Variants in MEF2A observed in about 807,000 individuals in gnomAD.
MEF2A encodes myocyte enhancer factor 2A.
In MEF2A, 28 loss-of-function variants were observed where a neutral mutation model predicts 55.8. The observed-to-expected ratio is 0.50, with a 90% CI of 0.37 to 0.69. The LOEUF (loss-of-function observed/expected upper bound fraction) is 0.69. MEF2A is among the 30% of genes least tolerant of loss of function. The pLI is 0.00. For missense variants in MEF2A, 528 were observed against 626.2 expected (o/e 0.84, Z 1.67); for synonymous variants, 239 against 227.1 (o/e 1.05, Z -0.47).
intron 8 of MEF2A, among the ~76,000 whole-genome samples, chr15:99,694,838 A>G (rs904521356): frequency 1.3e-5 from 2 of 152,140 alleles, no homozygotes; most frequent in Non-Finnish European, 2.9e-5. Context: ...ATTTATTTCT[A>G]TCAATATGGA....
chr15:99,691,365 CT>C (rs1244576082), intron 8 of MEF2A, among the ~76,000 whole-genome samples: 1 of 152,042 alleles, frequency 6.6e-6, no homozygotes, highest in Non-Finnish European at 1.5e-5. Flanking sequence ...ATTAAACATG[CT>C]TTTCTGTGAG....
intron 7 of MEF2A, among the ~76,000 whole-genome samples, chr15:99,680,366 T>C (rs750710470): frequency 2.0e-5 from 3 of 152,014 alleles, no homozygotes; most frequent in Non-Finnish European, 4.4e-5. Flanking sequence ...ATACTACTCT[T>C]ACTTACTAAT....
At chr15:99,682,194 T>C (rs2053375477) in intron 7 of MEF2A, among the ~76,000 whole-genome samples, 1 of 152,192 alleles carries the variant, frequency 6.6e-6, no homozygotes, top group African/African-American at 2.4e-5. Context: ...TTTCAGCTGA[T>C]GTGATTTATA....
At chr15:99,566,390 G>A (rs980446763) in intron 1 of MEF2A, 4 of 146,478 alleles carry the variant, frequency 2.7e-5, no homozygotes, top group Non-Finnish European at 4.6e-5. Context: ...TCGGCGCTGA[G>A]GAGCTAGGCG....
intron 7 of MEF2A, among the ~76,000 whole-genome samples, chr15:99,681,384 C>G (rs1208035414): frequency 6.6e-6 from 1 of 152,130 alleles, no homozygotes; most frequent in African/African-American, 2.4e-5. Flanking sequence ...TTAGAACAAG[C>G]TGAGTTGAGA....
intron 5 of MEF2A, among the ~76,000 whole-genome samples, chr15:99,672,086 A>G (rs1337159700): frequency 6.6e-6 from 1 of 152,246 alleles, no homozygotes; most frequent in African/African-American, 2.4e-5. Context: ...TTGAGAAAGC[A>G]AAATGTAAGG....
At chr15:99,666,584 A>AAT (rs2049791294) in intron 4 of MEF2A, among the ~76,000 whole-genome samples, 1 of 145,350 alleles carries the variant, frequency 6.9e-6, no homozygotes, top group Admixed American at 6.9e-5. Flanking sequence ...AAAGTATAAT[A>AAT]ATAATAATAA....
At chr15:99,566,718 C>T (rs1381776594) in intron 1 of MEF2A, 1 of 152,358 alleles carries the variant, frequency 6.6e-6, no homozygotes, top group Non-Finnish European at 1.5e-5. Context: ...AGTTCCCCCA[C>T]TTCTGCTTTG....
At chr15:99,648,247 G>T (rs1355663260) in intron 4 of MEF2A, among the ~76,000 whole-genome samples, 2 of 152,034 alleles carry the variant, frequency 1.3e-5, no homozygotes, top group South Asian at 2.1e-4. Context: ...GCTTTTTGAT[G>T]CCCATTTACT....
intron 7 of MEF2A, among the ~76,000 whole-genome samples, chr15:99,688,305 G>T (rs1053081053): frequency 6.6e-6 from 1 of 152,200 alleles, no homozygotes; most frequent in Non-Finnish European, 1.5e-5. Flanking sequence ...GGCTTAAATT[G>T]TATAGGGGAT....
rs537376646 is a variant in MEF2A at position 99,627,183 on chromosome 15, C to T, written c.-142-5795C>T. On this transcript the variant is annotated intron_variant, in intron 2 of 11. Transcript: ENST00000557942. ...TGGATAAGGAAGATAGTAAGGAACA[C>T]GAAGTGGGTTAGGGCCAGTGAAAAA... 4.0e-5 allele frequency among the ~76,000 whole-genome samples: 6 copies of T among 151,752 alleles called. No individual in the cohort carries two copies. In the East Asian group the frequency reaches 5.8e-4, roughly 15 times the overall value.
intron 4 of MEF2A, 147 bp from the exon 5 acceptor site, chr15:99,671,172 AGAAG>A: frequency 1.6e-6 from 1 of 639,460 alleles, no homozygotes; most frequent in Non-Finnish European, 2.6e-6. Context: ...TCTTATTTGA[AGAAG>A]TAAGTACATT....
intron 4 of MEF2A, among the ~76,000 whole-genome samples, chr15:99,661,773 A>G (rs547021987): frequency 4.7e-5 from 7 of 149,594 alleles, no homozygotes; most frequent in African/African-American, 1.0e-4. Context: ...TAATACTTCT[A>G]TTCCTAAGAA....
chr15:99,683,145 A>G (rs376295545), intron 7 of MEF2A, among the ~76,000 whole-genome samples: 2 of 152,280 alleles, frequency 1.3e-5, no homozygotes, highest in South Asian at 4.1e-4. Flanking sequence ...TTTAAACTGC[A>G]CTGCTTTCTG....
intron 1 of MEF2A, chr15:99,566,672 A>G (rs989168324): frequency 1.0e-4 from 16 of 152,472 alleles, no homozygotes; most frequent in Admixed American, 3.9e-4. Context: ...ATTAGCCCCA[A>G]GTGCGGGGGG....
chr15:99,587,908 A>G (rs1567169444), intron 1 of MEF2A, among the ~76,000 whole-genome samples: 1 of 151,422 alleles, frequency 6.6e-6, no homozygotes, highest in Non-Finnish European at 1.5e-5. Context: ...TCCAATCTGG[A>G]TGCCTTTTCT....
intron 8 of MEF2A, among the ~76,000 whole-genome samples, chr15:99,702,021 A>G (rs1283356556): frequency 6.6e-6 from 1 of 152,224 alleles, no homozygotes; most frequent in Non-Finnish European, 1.5e-5. Flanking sequence ...CGTATGAACT[A>G]TTTACACGCT....
intron 3 of MEF2A, among the ~76,000 whole-genome samples, chr15:99,642,660 C>T (rs139445426): frequency 6.6e-6 from 1 of 151,998 alleles, no homozygotes; most frequent in Non-Finnish European, 1.5e-5. Flanking sequence ...AAATTATTTT[C>T]TTTATTTATT....
At chr15:99,622,144 G>A (rs779654911) in intron 2 of MEF2A, among the ~76,000 whole-genome samples, 2 of 152,168 alleles carry the variant, frequency 1.3e-5, no homozygotes, top group Non-Finnish European at 1.5e-5. Context: ...TAAGACAGTA[G>A]AGCCCATATT....
Sources: allele counts gnomAD v4.1 joint callset (sites outside exome capture counted in the v4.1 genomes callset), GRCh38; gene constraint gnomAD v4.1.1; transcripts MANE v1.5; gene names NCBI Gene and HGNC (gene_info 2026-07-23, HGNC 2026-07-21).